The following TAFA1 variants were observed in gnomAD, a reference collection of about 807,000 sequenced individuals.
The protein encoded by TAFA1 is chemokine-like protein TAFA-1.
A neutral mutation model predicts 18.5 loss-of-function variants in TAFA1; 4 were observed. That is an observed-to-expected ratio of 0.22 (90% CI 0.11 to 0.49). The LOEUF is 0.49. Among genes scored for constraint, TAFA1 ranks in the 20% least tolerant of loss-of-function variants. TAFA1 has a pLI of 0.98. For missense variants in TAFA1, 147 were observed against 169.0 expected, an observed-to-expected ratio of 0.87 and a Z score of 0.72; for synonymous variants, 56 against 55.2, an observed-to-expected ratio of 1.01 and a Z score of -0.06.
chr3:68,518,187 G>A (rs1244331986), intron 3 of TAFA1, among the ~76,000 whole-genome samples: 1 of 152,110 alleles, frequency 6.6e-6, no homozygotes, highest in Non-Finnish European at 1.5e-5. Flanking sequence ...GTGAGCGTGG[G>A]CATGTTATGT....
intron 2 of TAFA1, among the ~76,000 whole-genome samples, chr3:68,072,252 A>G (rs1437475600): frequency 6.6e-6 from 1 of 152,190 alleles, no homozygotes; most frequent in Non-Finnish European, 1.5e-5. Context: ...TCTGCGGCAG[A>G]GCAGATATCA....
intron 3 of TAFA1, among the ~76,000 whole-genome samples, chr3:68,470,468 G>T (rs1007372795): frequency 6.6e-6 from 1 of 152,186 alleles, no homozygotes; most frequent in Admixed American, 6.5e-5. Context: ...GGGAAAGTCT[G>T]GAACTTCCTA....
At chr3:68,127,575 G>GGTGATGATAGTGGTGGTGGTGATGA (rs1436839546) in intron 2 of TAFA1, among the ~76,000 whole-genome samples, 2 of 152,036 alleles carry the variant, frequency 1.3e-5, no homozygotes, top group African/African-American at 4.8e-5. Context: ...GATGGTAGTG[G>GGTGATGATAGTGGTGGTGGTGATGA]TGGTAGTGAT....
chr3:68,496,398 C>T (rs1377611119), intron 3 of TAFA1, among the ~76,000 whole-genome samples: 1 of 152,104 alleles, frequency 6.6e-6, no homozygotes, highest in Admixed American at 6.6e-5. Context: ...TAGTATCTTG[C>T]AATGGTCCCT....
rs141097002 is a variant in TAFA1, at chr3:68,140,984, T to G, written c.118+134240T>G. Among the ~76,000 whole-genome samples, 620 of 152,280 alleles carry G rather than the reference T, an allele frequency of 4.1e-3. 2 individuals carry two copies. The highest frequency in any genetic ancestry group is 6.8e-3 in the Middle Eastern group (2 of 294). ...ACTTCAATGAGCTTAAAAAGAAACA[T>G]ACCAAACCTGAGTTAGAGAATGACA... On this transcript the variant is annotated intron_variant, in intron 2 of 4. Transcript: ENST00000478136.
chr3:68,182,931 T>C (rs1003420741), intron 2 of TAFA1, among the ~76,000 whole-genome samples: 2 of 152,194 alleles, frequency 1.3e-5, no homozygotes, highest in Admixed American at 6.5e-5. Context: ...ATAATTTGTG[T>C]CTAGGTTCCA....
intron 3 of TAFA1, 50 bp downstream of exon 3, chr3:68,417,470 C>CA (rs1399718725): frequency 2.6e-6 from 4 of 1,561,204 alleles, no homozygotes; most frequent in African/African-American, 1.4e-5. Flanking sequence ...ATTCACTATA[C>CA]ATAATATAAT....
intron 2 of TAFA1, among the ~76,000 whole-genome samples, chr3:68,218,480 C>T (rs147537381): frequency 7.9e-5 from 12 of 152,108 alleles, no homozygotes; most frequent in South Asian, 2.1e-4. Context: ...GTCGATGGGG[C>T]GTCAGTCTCA....
chr3:68,312,232 C>A (rs1223438418), intron 2 of TAFA1, among the ~76,000 whole-genome samples: 1 of 149,644 alleles, frequency 6.7e-6, no homozygotes, highest in African/African-American at 2.4e-5. Context: ...GAGGGGCTGC[C>A]CTGGAGACAT....
intron 2 of TAFA1, among the ~76,000 whole-genome samples, chr3:68,034,117 C>T (rs1230376909): frequency 2.6e-5 from 4 of 152,234 alleles, no homozygotes; most frequent in South Asian, 4.1e-4. Flanking sequence ...ATAACCACCT[C>T]CAGTGTCCAT....
At chr3:68,278,230 T>C (rs1157698561) in intron 2 of TAFA1, among the ~76,000 whole-genome samples, 5 of 152,168 alleles carry the variant, frequency 3.3e-5, no homozygotes, top group Non-Finnish European at 7.4e-5. Flanking sequence ...CTTAAAAGAC[T>C]GGTAATGTTT....
intron 2 of TAFA1, among the ~76,000 whole-genome samples, chr3:68,214,295 T>A (rs1559561280): frequency 6.6e-6 from 1 of 152,136 alleles, no homozygotes; most frequent in Non-Finnish European, 1.5e-5. Context: ...TGTTATTTCC[T>A]TATTAAACCA....
intron 2 of TAFA1, among the ~76,000 whole-genome samples, chr3:68,240,441 G>A (rs1559571959): frequency 6.6e-6 from 1 of 152,146 alleles, no homozygotes; most frequent in Non-Finnish European, 1.5e-5. Context: ...GAGCACAAAC[G>A]AGGGCAGAGA....
chr3:68,332,934 A>G (rs568229865), intron 2 of TAFA1, among the ~76,000 whole-genome samples: 1 of 152,346 alleles, frequency 6.6e-6, no homozygotes, highest in East Asian at 1.9e-4. Context: ...GAGAAATGTA[A>G]ATCAAAACCA....
chr3:68,094,089 C>T (rs2065059054), intron 2 of TAFA1, among the ~76,000 whole-genome samples: 1 of 152,092 alleles, frequency 6.6e-6, no homozygotes, highest in African/African-American at 2.4e-5. Flanking sequence ...TGTTCTTTCT[C>T]TCAGGTGCTG....
chr3:68,163,497 CAA>C (rs2106943818), intron 2 of TAFA1, among the ~76,000 whole-genome samples: 1 of 152,306 alleles, frequency 6.6e-6, no homozygotes, highest in African/African-American at 2.4e-5. Context: ...ACCCTTAAGT[CAA>C]GACTTCAACC....
intron 3 of TAFA1, among the ~76,000 whole-genome samples, chr3:68,425,542 G>A (rs1252138451): frequency 1.3e-5 from 2 of 151,904 alleles, no homozygotes; most frequent in Admixed American, 1.3e-4. Context: ...ACAGCATTTA[G>A]TCCCCAACTT....
chr3:68,142,624 C>T (rs545916717), intron 2 of TAFA1, among the ~76,000 whole-genome samples: 56 of 152,290 alleles, frequency 3.7e-4, no homozygotes, highest in African/African-American at 1.3e-3. Flanking sequence ...GTTGGCAAAA[C>T]CTCCTACTCT....
intron 3 of TAFA1, among the ~76,000 whole-genome samples, chr3:68,515,914 A>G (rs1273916907): frequency 1.3e-5 from 2 of 152,240 alleles, no homozygotes; most frequent in African/African-American, 2.4e-5. Flanking sequence ...TCTTAGAGCC[A>G]CCTGAAGCAT....
Sources: gnomAD v4.1 joint callset for allele counts (sites outside exome capture counted in the v4.1 genomes callset) on GRCh38, gnomAD v4.1.1 for gene constraint, MANE v1.5 for transcripts, NCBI Gene and HGNC (gene_info 2026-07-23, HGNC 2026-07-21) for gene names.